Variants in ANKS1B observed in about 807,000 individuals in gnomAD.
ANKS1B encodes the protein ankyrin repeat and sterile alpha motif domain containing 1B.
A neutral mutation model predicts 148.3 loss-of-function variants in ANKS1B; 36 were observed. The ratio of observed to expected loss-of-function variants is 0.24; its 90% CI spans 0.19 to 0.32. The LOEUF is 0.32. Among genes scored for constraint, ANKS1B ranks in the 10% least tolerant of loss-of-function variants. The pLI is 1.00. For synonymous variants in ANKS1B, 542 were observed against 560.8 expected (o/e 0.97, Z 0.47); for missense variants, 1,157 against 1,542.6 (o/e 0.75, Z 4.19).
intron 17 of ANKS1B, among the ~76,000 whole-genome samples, chr12:98,870,905 G>A (rs550789542): frequency 6.6e-6 from 1 of 152,316 alleles, no homozygotes; most frequent in East Asian, 1.9e-4. Flanking sequence ...TTTGTAAGAG[G>A]AGACATATTC....
intron 1 of ANKS1B, among the ~76,000 whole-genome samples, chr12:99,938,202 G>A (rs1054454447): frequency 3.3e-5 from 5 of 152,184 alleles, no homozygotes; most frequent in Admixed American, 1.3e-4. Context: ...GAAGCAAGTG[G>A]CCATATGGCC....
At chr12:99,954,445 T>C (rs1236188512) in intron 1 of ANKS1B, among the ~76,000 whole-genome samples, 1 of 152,236 alleles carries the variant, frequency 6.6e-6, no homozygotes, top group Non-Finnish European at 1.5e-5. Flanking sequence ...AATAGTTGCA[T>C]TTCCATGCAT....
intron 12 of ANKS1B, among the ~76,000 whole-genome samples, chr12:99,332,652 G>A (rs559876740): frequency 5.9e-4 from 87 of 146,716 alleles, no homozygotes; most frequent in African/African-American, 2.0e-3. Flanking sequence ...AAGGTTTTTA[G>A]AAATGGAAAA....
At chr12:99,973,565 G>A (rs1056046592) in intron 1 of ANKS1B, among the ~76,000 whole-genome samples, 2 of 152,216 alleles carry the variant, frequency 1.3e-5, no homozygotes, top group African/African-American at 2.4e-5. Flanking sequence ...CTGGGTGACA[G>A]AGTGAGACCC....
At position 99,642,024 on chromosome 12, in the gene ANKS1B, C is replaced by T. The variant is rs116333920; in HGVS notation, c.1272+13043G>A. On this transcript the variant is annotated intron_variant, in intron 9 of 26. Coordinates refer to ENST00000683438, the MANE Select transcript of ANKS1B (RefSeq NM_001352186.2). Reference sequence around the variant, plus strand: ...GACAAGGAACGTTAAGTGCTTATCACTGCACTTGGAATGTGGTAGGTACTC... The same window carrying T: ...GACAAGGAACGTTAAGTGCTTATCATTGCACTTGGAATGTGGTAGGTACTC... 3.4e-3 allele frequency among the ~76,000 whole-genome samples: 514 copies of T among 152,290 alleles called. 5 individuals are homozygous for T. Among genetic ancestry groups the T allele is most frequent in the African/African-American group, 0.012 (485 of 41,550 alleles).
chr12:99,174,945 G>T (rs928334364), intron 14 of ANKS1B, among the ~76,000 whole-genome samples: 3 of 152,046 alleles, frequency 2.0e-5, no homozygotes, highest in Admixed American at 2.0e-4. Flanking sequence ...ATTGTTAATA[G>T]AGTTAAGAAA....
intron 4 of ANKS1B, among the ~76,000 whole-genome samples, chr12:99,805,967 AG>A (rs767259621): frequency 2.0e-5 from 3 of 152,354 alleles, no homozygotes; most frequent in South Asian, 2.1e-4. Flanking sequence ...GAAATTTAAT[AG>A]TTCTCAATCC....
At chr12:99,976,858 A>T (rs1214143079) in intron 1 of ANKS1B, among the ~76,000 whole-genome samples, 1 of 152,204 alleles carries the variant, frequency 6.6e-6, no homozygotes. Context: ...TGGGTAGTTT[A>T]CAAACAATGT....
chr12:98,994,574 G>A lies in ANKS1B; in HGVS notation c.2778+58583C>T, dbSNP rs377577294. On this transcript the variant is annotated intron_variant, in intron 17 of 26. Transcript: ENST00000683438. Reference sequence around the variant, plus strand: ...GCGGAGGTTGCAGTGAGCCAAGATCGTACCACTGCACTCCATCCTGGGTAA... The same window carrying A: ...GCGGAGGTTGCAGTGAGCCAAGATCATACCACTGCACTCCATCCTGGGTAA... Among the ~76,000 whole-genome samples the A allele has an allele frequency of 9.9e-5, 15 of 152,284 alleles. 2 individuals are homozygous for A. The highest frequency in any genetic ancestry group is 3.1e-4 in the African/African-American group (13 of 41,558).
intron 8 of ANKS1B, among the ~76,000 whole-genome samples, chr12:99,679,355 C>G (rs2098600587): frequency 6.6e-6 from 1 of 152,190 alleles, no homozygotes; most frequent in South Asian, 2.1e-4. Context: ...GTCACCCAGG[C>G]TGGAGTGCAG....
intron 15 of ANKS1B, among the ~76,000 whole-genome samples, chr12:99,114,891 T>C (rs2061027091): frequency 6.6e-6 from 1 of 152,036 alleles, no homozygotes; most frequent in African/African-American, 2.4e-5. Flanking sequence ...TTATCACTGA[T>C]CATTAGAGAA....
At chr12:99,349,674 A>G (rs2091173192) in intron 12 of ANKS1B, among the ~76,000 whole-genome samples, 1 of 152,078 alleles carries the variant, frequency 6.6e-6, no homozygotes, top group South Asian at 2.1e-4. Context: ...GTCCCAAAAT[A>G]TATAAAGCAA....
chr12:99,948,341 A>T (rs961324689), intron 1 of ANKS1B, among the ~76,000 whole-genome samples: 1 of 152,086 alleles, frequency 6.6e-6, no homozygotes, highest in Non-Finnish European at 1.5e-5. Context: ...GCAAAAAAAA[A>T]GAAGGATGCC....
At chr12:99,465,321 C>A (rs1338805368) in intron 10 of ANKS1B, among the ~76,000 whole-genome samples, 1 of 152,158 alleles carries the variant, frequency 6.6e-6, no homozygotes, top group Non-Finnish European at 1.5e-5. Context: ...ACAACCAGTA[C>A]CAGCCACTGC....
intron 9 of ANKS1B, 49 bp downstream of exon 9, chr12:99,655,018 T>C (rs763184231): frequency 1.2e-5 from 18 of 1,526,742 alleles, no homozygotes; most frequent in East Asian, 6.8e-5. Flanking sequence ...CTTAAAAACA[T>C]AGGCAACCAT....
At chr12:99,372,777 C>T (rs1431650679) in intron 12 of ANKS1B, among the ~76,000 whole-genome samples, 1 of 152,064 alleles carries the variant, frequency 6.6e-6, no homozygotes, top group Non-Finnish European at 1.5e-5. Context: ...CAGCTGCTTA[C>T]ATTCCTACTC....
chr12:98,851,990 C>A (rs950518550), intron 17 of ANKS1B, among the ~76,000 whole-genome samples: 2 of 132,736 alleles, frequency 1.5e-5, no homozygotes, highest in Non-Finnish European at 3.1e-5. Context: ...TGCCATTGCA[C>A]TCCAGCCTGG....
chr12:99,034,025 C>T (rs1462896423), intron 17 of ANKS1B, among the ~76,000 whole-genome samples: 3 of 152,140 alleles, frequency 2.0e-5, no homozygotes, highest in Non-Finnish European at 2.9e-5. Context: ...TTGGCAGGTG[C>T]GAAAGGGAAT....
At chr12:99,070,184 T>C (rs2045811745) in intron 16 of ANKS1B, among the ~76,000 whole-genome samples, 1 of 152,106 alleles carries the variant, frequency 6.6e-6, no homozygotes, top group African/African-American at 2.4e-5. Context: ...CGTGTATTCT[T>C]TAGATAGAGT....
Sources: allele counts gnomAD v4.1 joint callset (sites outside exome capture counted in the v4.1 genomes callset), GRCh38; gene constraint gnomAD v4.1.1; transcripts MANE v1.5; gene names NCBI Gene and HGNC (gene_info 2026-07-23, HGNC 2026-07-21).